Variants in KCNH1 observed in about 807,000 individuals in gnomAD.
The protein encoded by KCNH1 is potassium voltage-gated channel subfamily H member 1.
Under a neutral mutation model 69.2 loss-of-function variants are expected in KCNH1, and 27 were observed. That is an observed-to-expected ratio of 0.39 (90% CI 0.29 to 0.54). The LOEUF (loss-of-function observed/expected upper bound fraction) is 0.54, where lower values mean the gene tolerates loss of function less well. Ranked by LOEUF, KCNH1 falls within the 20% of genes least tolerant of loss-of-function variation. The probability of loss-of-function intolerance (pLI) is 0.68; values close to 1 mark genes in which losing one functional copy is unlikely to be tolerated. For missense variants in KCNH1, 798 were observed against 1,261.6 expected (o/e 0.63, Z 5.57); for synonymous variants, 456 against 487.7 (o/e 0.93, Z 0.86).
intron 7 of KCNH1, among the ~76,000 whole-genome samples, chr1:210,871,464 C>T (rs1279533804): frequency 1.3e-5 from 2 of 152,148 alleles, no homozygotes; most frequent in Non-Finnish European, 2.9e-5. Flanking sequence ...GGACTGTAAA[C>T]CAGTTCAACC....
rs763170570 is a variant in KCNH1, at chr1:210,683,793, C to G, written c.2458G>C (p.Glu820Gln). ...CCGCCCCCCTTGGGGCCCAGGCACT[C>G]GGACCCTGGCGCCTGTAGCTTTGCG... Reference protein sequence around the residue: ...DHAKLQAPGSECLGPKGGGGD... With the variant: ...DHAKLQAPGSQCLGPKGGGGD... Residue 820 changes from glutamate to glutamine, a missense_variant, in exon 11 of 11, where the codon GAG (glutamate) becomes CAG (glutamine). Physicochemically the swap from Glu to Gln is conservative, Grantham distance 29 (BLOSUM62 2). Around this residue, in one of 4 missense-constraint regions of KCNH1, gnomAD observed 331 missense variants for 363.2 expected, o/e 0.91. Coordinates refer to ENST00000271751, the MANE Select transcript of KCNH1 (RefSeq NM_172362.3). The surrounding 1 kb of genome is among the most constrained non-coding windows in gnomAD (Gnocchi z 5.7). The G allele has an allele frequency of 6.2e-7, 1 of 1,613,738 alleles. No homozygotes were observed. The highest frequency in any genetic ancestry group is 8.5e-7 in the Non-Finnish European group (1 of 1,180,052).
intron 10 of KCNH1, among the ~76,000 whole-genome samples, chr1:210,709,722 A>AAG (rs71831798): frequency 6.2e-4 from 62 of 100,102 alleles, no homozygotes; most frequent in African/African-American, 1.3e-3. Flanking sequence ...AGAAAGAAAG[A>AAG]AGAGAGAGAG....
At chr1:210,813,586 GT>G (rs1684753865) in intron 7 of KCNH1, among the ~76,000 whole-genome samples, 1 of 152,142 alleles carries the variant, frequency 6.6e-6, no homozygotes, top group African/African-American at 2.4e-5. Flanking sequence ...TACTGTTGTT[GT>G]TGCTTTTGTT....
intron 3 of KCNH1, among the ~76,000 whole-genome samples, chr1:211,093,841 G>A (rs1691098692): frequency 3.3e-5 from 5 of 152,128 alleles, no homozygotes; most frequent in Admixed American, 3.3e-4. Flanking sequence ...CTGGATATGT[G>A]TAGCTTGGCC....
intron 7 of KCNH1, among the ~76,000 whole-genome samples, chr1:210,813,826 G>C (rs1246499522): frequency 6.6e-6 from 1 of 152,164 alleles, no homozygotes; most frequent in East Asian, 1.9e-4. Flanking sequence ...CCTGGTGAAG[G>C]GTAACTGAAT....
At chr1:210,853,743 C>G (rs906403253) in intron 7 of KCNH1, among the ~76,000 whole-genome samples, 2 of 152,062 alleles carry the variant, frequency 1.3e-5, no homozygotes, top group Non-Finnish European at 2.9e-5. Context: ...CCAAATGGAT[C>G]CATTGTTAGT....
intron 6 of KCNH1, among the ~76,000 whole-genome samples, chr1:211,011,682 C>A (rs1470947397): frequency 1.3e-5 from 2 of 152,162 alleles, no homozygotes; most frequent in African/African-American, 2.4e-5. Context: ...CAGGCAGGAT[C>A]GACTTCCTGC....
chr1:210,853,942 A>T (rs1284365313), intron 7 of KCNH1, among the ~76,000 whole-genome samples: 1 of 138,984 alleles, frequency 7.2e-6, no homozygotes, highest in Admixed American at 7.2e-5. Context: ...GCATTTATCT[A>T]AGCCAAAAAA....
chr1:210,683,035 G>A lies in KCNH1; in HGVS notation c.*246C>T. 1.8e-6 allele frequency: 1 copy of A among 544,102 alleles called. No homozygotes were observed. Among genetic ancestry groups the A allele is most frequent in the Non-Finnish European group, 3.3e-6 (1 of 306,116 alleles). 33.7% of individuals were successfully genotyped at this position (544,102 alleles called of 1,614,324 possible). A position where few individuals can be genotyped will look rare whatever the true frequency, so the allele number is the denominator to read the frequency against. On this transcript the variant is annotated 3_prime_UTR_variant, in exon 11 of 11. Transcript: ENST00000271751. The surrounding 1 kb of genome is among the most constrained non-coding windows in gnomAD (Gnocchi z 5.7). Reference sequence around the variant, plus strand: ...AAGGAAAATACCCTTTAGACAGCATGTCCCTTCTTCCAAAATTGTGCAAAG... The same window carrying A: ...AAGGAAAATACCCTTTAGACAGCATATCCCTTCTTCCAAAATTGTGCAAAG...
rs1467069996 is a variant in KCNH1, at chr1:210,847,335, G to A, written c.1463-43169C>T. ...GCAAAGACTTGGAACCAATCCAAAT[G>A]TCCAACAACGATAGACTGGATTAAG... On this transcript the variant is annotated intron_variant, in intron 7 of 10. Transcript: ENST00000271751. Among the ~76,000 whole-genome samples the A allele has an allele frequency of 2.6e-5, 4 of 152,162 alleles. No homozygotes were observed. The East Asian group carries it at 7.7e-4, about 29-fold the overall frequency.
intron 7 of KCNH1, among the ~76,000 whole-genome samples, chr1:210,898,314 G>T (rs1480286274): frequency 6.6e-6 from 1 of 152,116 alleles, no homozygotes; most frequent in African/African-American, 2.4e-5. Flanking sequence ...AAAAAAATAT[G>T]CCATTTAATT....
intron 1 of KCNH1, among the ~76,000 whole-genome samples, chr1:211,114,978 G>GT (rs1207985210): frequency 2.2e-4 from 33 of 151,498 alleles, no homozygotes; most frequent in Admixed American, 1.3e-3. Context: ...TTTGTTTTTT[G>GT]TTTTTTTTGA....
At chr1:211,070,301 C>T (rs1371832193) in intron 5 of KCNH1, among the ~76,000 whole-genome samples, 2 of 151,698 alleles carry the variant, frequency 1.3e-5, no homozygotes, top group Non-Finnish European at 2.9e-5. Context: ...GCCTGTAGTC[C>T]CAGCTACTCG....
chr1:210,790,231 G>C (rs1222042220), intron 9 of KCNH1, among the ~76,000 whole-genome samples: 3 of 152,114 alleles, frequency 2.0e-5, no homozygotes, highest in African/African-American at 7.2e-5. Flanking sequence ...TTCTTTTCCT[G>C]ATTCCAGACC....
At chr1:210,978,807 G>T (rs761910298) in intron 6 of KCNH1, among the ~76,000 whole-genome samples, 1 of 152,138 alleles carries the variant, frequency 6.6e-6, no homozygotes, top group Non-Finnish European at 1.5e-5. Context: ...AAGCCCATAA[G>T]GCTTTCATCC....
intron 7 of KCNH1, among the ~76,000 whole-genome samples, chr1:210,909,306 C>A (rs1242435786): frequency 6.6e-6 from 1 of 152,210 alleles, no homozygotes; most frequent in Non-Finnish European, 1.5e-5. Flanking sequence ...TTGCATATAA[C>A]ACCTTCTCCC....
At chr1:211,128,637 A>G (rs1691826505) in intron 1 of KCNH1, among the ~76,000 whole-genome samples, 2 of 152,208 alleles carry the variant, frequency 1.3e-5, no homozygotes, top group African/African-American at 4.8e-5. Flanking sequence ...GTATCACTTT[A>G]TAGAAATATG....
At chr1:210,838,442 T>C (rs1439087194) in intron 7 of KCNH1, among the ~76,000 whole-genome samples, 2 of 151,982 alleles carry the variant, frequency 1.3e-5, no homozygotes, top group Non-Finnish European at 2.9e-5. Context: ...AACTTAAATA[T>C]AAAACCCAAA....
chr1:210,926,074 C>T (rs1687567163), intron 6 of KCNH1, among the ~76,000 whole-genome samples: 1 of 152,200 alleles, frequency 6.6e-6, no homozygotes, highest in South Asian at 2.1e-4. Context: ...GCCTGGCCAA[C>T]ATGGTGAAAC....
Sources: allele counts gnomAD v4.1 joint callset (sites outside exome capture counted in the v4.1 genomes callset), GRCh38; gene constraint gnomAD v4.1.1; regional missense constraint gnomAD v4.1.1; non-coding constraint Gnocchi (gnomAD v3.1); transcripts MANE v1.5; gene names NCBI Gene and HGNC (gene_info 2026-07-23, HGNC 2026-07-21).